The following ARHGEF9 variants were observed in gnomAD, a reference collection of about 807,000 sequenced individuals.
ARHGEF9 encodes the protein rho guanine nucleotide exchange factor 9.
Under a neutral mutation model 41.3 loss-of-function variants are expected in ARHGEF9, and 2 were observed. The observed-to-expected ratio is 0.05, with a 90% CI of 0.02 to 0.15. The LOEUF is 0.15. Among genes scored for constraint, ARHGEF9 ranks in the 10% least tolerant of loss-of-function variants. The pLI, the probability that ARHGEF9 is intolerant of heterozygous loss-of-function variation, is 1.00. For missense variants in ARHGEF9, 225 were observed against 424.7 expected, an observed-to-expected ratio of 0.53 and a Z score of 4.13; for synonymous variants, 160 against 154.4, an observed-to-expected ratio of 1.04 and a Z score of -0.27.
At chrX:63,734,552 G>T (rs1166866120) in intron 1 of ARHGEF9, among the ~76,000 whole-genome samples, 2 of 111,857 alleles carry the variant, frequency 1.8e-5, no homozygotes, top group African/African-American at 6.5e-5. Flanking sequence ...TGGGACCAGA[G>T]AGTTTATATT....
chrX:63,742,412 G>A (rs1319041048), intron 1 of ARHGEF9, among the ~76,000 whole-genome samples: 3 of 111,103 alleles, frequency 2.7e-5, no homozygotes, highest in Admixed American at 9.6e-5. Context: ...TCAGTGTGTA[G>A]ATATGTGCAC....
At chrX:63,767,196 C>T in intron 1 of ARHGEF9, 2 of 669,774 alleles carry the variant, frequency 3.0e-6, no homozygotes, top group South Asian at 4.3e-5. Flanking sequence ...TGCAGTTTGG[C>T]TAGTTTAAGG....
At chrX:63,776,931 G>T (rs1415906749) in intron 1 of ARHGEF9, among the ~76,000 whole-genome samples, 1 of 111,405 alleles carries the variant, frequency 9.0e-6, no homozygotes, top group Non-Finnish European at 1.9e-5. Context: ...TATCTACAAT[G>T]TAAGATTGTC....
chrX:63,782,808 G>T (rs1297619902), intron 1 of ARHGEF9, among the ~76,000 whole-genome samples: 2 of 112,142 alleles, frequency 1.8e-5, no homozygotes, highest in African/African-American at 6.5e-5. Context: ...AGGAATCTGA[G>T]AATCTAAGGC....
intron 1 of ARHGEF9, among the ~76,000 whole-genome samples, chrX:63,774,718 A>T (rs781843403): frequency 1.8e-5 from 2 of 111,701 alleles, no homozygotes; most frequent in Non-Finnish European, 3.8e-5. Flanking sequence ...TTATATAAAA[A>T]CCCTAGAAGA....
intron 1 of ARHGEF9, among the ~76,000 whole-genome samples, chrX:63,771,581 T>A (rs1223479593): frequency 8.1e-5 from 9 of 111,160 alleles, no homozygotes; most frequent in African/African-American, 9.8e-5. Flanking sequence ...AACTTTTTTT[T>A]TTTGAGACAG....
intron 1 of ARHGEF9, among the ~76,000 whole-genome samples, chrX:63,779,030 A>G (rs1201042393): frequency 8.9e-6 from 1 of 111,964 alleles, no homozygotes; most frequent in Non-Finnish European, 1.9e-5. Flanking sequence ...TAGATTTGCC[A>G]ATTGGTAATA....
At chrX:63,768,555 A>G (rs1556452908) in intron 1 of ARHGEF9, among the ~76,000 whole-genome samples, 2 of 112,213 alleles carry the variant, frequency 1.8e-5, no homozygotes, top group Admixed American at 9.4e-5. Context: ...AGAAATCTCT[A>G]TACTGTTTTC....
intron 8 of ARHGEF9, among the ~76,000 whole-genome samples, chrX:63,650,734 C>T (rs2048489077): frequency 9.0e-6 from 1 of 110,593 alleles, no homozygotes; most frequent in African/African-American, 3.3e-5. Flanking sequence ...ACATTGTATA[C>T]AGGTATCAAA....
At chrX:63,678,311 A>G (rs782448120) in intron 5 of ARHGEF9, 29 bp downstream of exon 5, 1 of 1,133,085 alleles carries the variant, frequency 8.8e-7, no homozygotes, top group African/African-American at 1.8e-5. Context: ...AAGTTCCCTC[A>G]TTCACTCCTG....
intron 1 of ARHGEF9, among the ~76,000 whole-genome samples, chrX:63,743,006 T>A (rs1211812533): frequency 3.6e-5 from 4 of 111,633 alleles, no homozygotes; most frequent in Admixed American, 9.5e-5. Flanking sequence ...GAGGCTGAGG[T>A]GGGTGGATCA....
intron 6 of ARHGEF9, among the ~76,000 whole-genome samples, chrX:63,666,579 T>A (rs1556349191): frequency 1.8e-5 from 2 of 108,526 alleles, no homozygotes; most frequent in African/African-American, 6.7e-5. Context: ...CTCTTTCTAA[T>A]ACTTGAAGAA....
chrX:63,775,231 A>G (rs782703095), intron 1 of ARHGEF9, among the ~76,000 whole-genome samples: 99 of 112,775 alleles, frequency 8.8e-4, no homozygotes, highest in Non-Finnish European at 1.5e-3. Flanking sequence ...GTTAGTGGGA[A>G]TGTAAACTAG....
chrX:63,692,027 C>T lies in ARHGEF9; in HGVS notation c.582+5098G>A, dbSNP rs782220457. On this transcript the variant is annotated intron_variant, in intron 4 of 9. Coordinates refer to ENST00000671741, the MANE Select transcript of ARHGEF9 (RefSeq NM_001353921.2). ...TATGCAAAAGAATAAAACTAGACCC[C>T]TATCTCTCACCATATGAAAAAATAA... is the stretch of plus-strand genomic sequence containing the variant. 1.5e-4 allele frequency among the ~76,000 whole-genome samples: 17 copies of T among 111,596 alleles called. No individual in the cohort carries two copies. The South Asian group carries it at 6.5e-3, about 43-fold the overall frequency.
chrX:63,730,035 T>C (rs1340889818), intron 1 of ARHGEF9, among the ~76,000 whole-genome samples: 1 of 111,884 alleles, frequency 8.9e-6, no homozygotes, highest in African/African-American at 3.3e-5. Context: ...ATATGATTGC[T>C]ATACCCTGGA....
At position 63,721,812 on chromosome X, in the gene ARHGEF9, G is replaced by T. The variant is rs1233661824; in HGVS notation, c.210+2720C>A. ...ATTTAACCTTACCAACTACTGGGAA[G>T]GTATATCAGCTCCTACATTGCTCTT... On this transcript the variant is annotated intron_variant, in intron 2 of 9. Transcript: ENST00000671741. 2.7e-5 allele frequency among the ~76,000 whole-genome samples: 3 copies of T among 110,521 alleles called. No individual in the cohort carries two copies. In the Admixed American group the frequency reaches 2.9e-4, roughly 11 times the overall value.
intron 1 of ARHGEF9, among the ~76,000 whole-genome samples, chrX:63,776,604 T>C (rs1341587185): frequency 8.9e-6 from 1 of 111,864 alleles, no homozygotes; most frequent in Admixed American, 9.5e-5. Context: ...GGAGTTGAGC[T>C]AGATTATCCC....
chrX:63,704,463 G>A (rs1489301382), intron 3 of ARHGEF9, among the ~76,000 whole-genome samples: 3 of 111,474 alleles, frequency 2.7e-5, no homozygotes, highest in African/African-American at 6.5e-5. Flanking sequence ...AAAGTTTGCC[G>A]AATGAATGAA....
At chrX:63,647,507 G>T (rs2048195151) in intron 8 of ARHGEF9, among the ~76,000 whole-genome samples, 1 of 111,570 alleles carries the variant, frequency 9.0e-6, no homozygotes, top group Non-Finnish European at 1.9e-5. Context: ...TTTTGTCATT[G>T]GTTCTGTTTA....
Sources: allele counts gnomAD v4.1 joint callset (sites outside exome capture counted in the v4.1 genomes callset), GRCh38; gene constraint gnomAD v4.1.1; transcripts MANE v1.5; gene names NCBI Gene and HGNC (gene_info 2026-07-23, HGNC 2026-07-21).